The following UXS1 variants were observed in gnomAD, a reference collection of about 807,000 sequenced individuals.
UXS1 encodes the protein UDP-glucuronate decarboxylase 1, also known as UDP-glucuronic acid decarboxylase 1.
UXS1 carries 33 observed loss-of-function variants against 62.6 expected under a neutral mutation model. The ratio of observed to expected loss-of-function variants is 0.53; its 90% CI spans 0.40 to 0.70. The LOEUF is 0.70. Ranked by LOEUF, UXS1 falls within the 30% of genes least tolerant of loss-of-function variation. The pLI is 0.00. For missense variants in UXS1, 434 were observed against 556.3 expected (o/e 0.78, Z 2.21); for synonymous variants, 213 against 206.8 (o/e 1.03, Z -0.26).
At chr2:106,165,929 T>C (rs971641482) in intron 2 of UXS1, 127 bp downstream of exon 2, 7 of 848,832 alleles carry the variant, frequency 8.2e-6, no homozygotes, top group Admixed American at 6.7e-5. Context: ...GATATGTGAA[T>C]AGCAAGAACC....
At chr2:106,107,934 G>A (rs1200630355) in intron 10 of UXS1, among the ~76,000 whole-genome samples, 1 of 152,236 alleles carries the variant, frequency 6.6e-6, no homozygotes, top group South Asian at 2.1e-4. Flanking sequence ...CAAGGAAATA[G>A]TCCCTAGTAC....
At chr2:106,145,881 AC>A (rs1681520085) in intron 5 of UXS1, among the ~76,000 whole-genome samples, 1 of 152,246 alleles carries the variant, frequency 6.6e-6, no homozygotes, top group African/African-American at 2.4e-5. Flanking sequence ...GTTTATGAGA[AC>A]AAATTAATAA....
Position 106,174,825 on chromosome 2 carries a change from G to A in UXS1, c.95-8742C>T, listed in dbSNP as rs534831649. Among the ~76,000 whole-genome samples the A allele has an allele frequency of 3.3e-5, 5 of 152,288 alleles. No individual in the cohort carries two copies. The South Asian group carries it at 6.2e-4, about 19-fold the overall frequency. On this transcript the variant is annotated intron_variant, in intron 1 of 14. Coordinates refer to ENST00000283148, the MANE Select transcript of UXS1 (RefSeq NM_001253875.2). ...GGAAGACAGGCCCCAAGAGGTAGCC[G>A]GTGACTTGCTTGAGGACACACAGCT...
intron 9 of UXS1, among the ~76,000 whole-genome samples, chr2:106,116,791 T>A (rs769069687): frequency 6.6e-6 from 1 of 152,186 alleles, no homozygotes; most frequent in Non-Finnish European, 1.5e-5. Context: ...TCTGGGAAAC[T>A]GCATGGAGCA....
At chr2:106,143,074 G>A (rs1485505058) in intron 6 of UXS1, among the ~76,000 whole-genome samples, 1 of 151,890 alleles carries the variant, frequency 6.6e-6, no homozygotes, top group Non-Finnish European at 1.5e-5. Context: ...CAGTGGTACT[G>A]AAATTATATA....
intron 8 of UXS1, among the ~76,000 whole-genome samples, chr2:106,124,833 T>A (rs1558699903): frequency 6.6e-6 from 1 of 152,234 alleles, no homozygotes; most frequent in African/African-American, 2.4e-5. Flanking sequence ...AATTTCTCTG[T>A]TGCTATGATT....
chr2:106,166,597 C>A, intron 1 of UXS1: 1 of 154,298 alleles, frequency 6.5e-6, no homozygotes, highest in South Asian at 2.0e-4. Context: ...TTTTGCAAAC[C>A]TCACATGGCT....
chr2:106,096,624 G>C, intron 14 of UXS1, 94 bp downstream of exon 14: 1 of 1,189,746 alleles, frequency 8.4e-7, no homozygotes, highest in Non-Finnish European at 1.2e-6. Context: ...TGCTCCTCCG[G>C]GGGCTGTCTG....
chr2:106,165,818 C>G (rs11124086), intron 2 of UXS1, among the ~76,000 whole-genome samples: 148,969 of 152,234 alleles, frequency 0.98, 72,944 homozygotes, highest in East Asian at 1. Flanking sequence ...AGGAGGGAAG[C>G]GGGGGTGGCC....
At chr2:106,104,890 T>C in intron 10 of UXS1, 53 bp from the exon 11 acceptor site, 3 of 1,610,328 alleles carry the variant, frequency 1.9e-6, no homozygotes, top group East Asian at 2.2e-5. Context: ...CCGTCCTGCG[T>C]AGGTGTCCTT....
chr2:106,184,953 AATGTCTGAACACTT>A (rs1684470309), intron 1 of UXS1, among the ~76,000 whole-genome samples: 1 of 152,182 alleles, frequency 6.6e-6, no homozygotes, highest in South Asian at 2.1e-4. Context: ...GCCCTGCCCT[AATGTCTGAACACTT>A]CAGGCATGTT....
chr2:106,152,240 T>C (rs1350418789), intron 5 of UXS1, among the ~76,000 whole-genome samples: 1 of 152,070 alleles, frequency 6.6e-6, no homozygotes, highest in Non-Finnish European at 1.5e-5. Flanking sequence ...TAGCCTGAGG[T>C]CAGGAGTTCA....
At chr2:106,186,634 C>T (rs1225325096) in intron 1 of UXS1, among the ~76,000 whole-genome samples, 83 of 152,068 alleles carry the variant, frequency 5.5e-4, no homozygotes, top group African/African-American at 2.0e-3. Flanking sequence ...TGACTGGGTC[C>T]TAGATTTTAA....
intron 2 of UXS1, 51 bp from the exon 3 acceptor site, chr2:106,164,850 G>C: frequency 7.1e-7 from 1 of 1,411,432 alleles, no homozygotes; most frequent in Non-Finnish European, 9.6e-7. Flanking sequence ...GACTGTTTCT[G>C]AATAAATTAC....
intron 7 of UXS1, among the ~76,000 whole-genome samples, chr2:106,126,312 A>G (rs982253496): frequency 6.6e-6 from 1 of 152,196 alleles, no homozygotes; most frequent in African/African-American, 2.4e-5. Context: ...ACTCATTCAC[A>G]GAGTCCCAGT....
At chr2:106,170,169 C>T (rs1683462883) in intron 1 of UXS1, among the ~76,000 whole-genome samples, 1 of 152,282 alleles carries the variant, frequency 6.6e-6, no homozygotes, top group Admixed American at 6.5e-5. Context: ...TGCAAGCAGC[C>T]CCCTGCATGT....
chr2:106,181,163 C>T (rs554492324), intron 1 of UXS1, among the ~76,000 whole-genome samples: 1 of 152,164 alleles, frequency 6.6e-6, no homozygotes, highest in Non-Finnish European at 1.5e-5. Context: ...TTCATCCCTC[C>T]CACACCTGTC....
chr2:106,163,569 T>C, intron 4 of UXS1, 98 bp downstream of exon 4: 1 of 813,166 alleles, frequency 1.2e-6, no homozygotes, highest in Non-Finnish European at 1.9e-6. Context: ...CAGACATTTA[T>C]TTAGGTTGGC....
At chr2:106,097,313 G>A (rs972379724) in intron 13 of UXS1, 18 of 426,880 alleles carry the variant, frequency 4.2e-5, no homozygotes, top group South Asian at 6.6e-5. Context: ...GGGACCTCTC[G>A]GAGGACGGCA....
Sources: gnomAD v4.1 joint callset for allele counts (sites outside exome capture counted in the v4.1 genomes callset) on GRCh38, gnomAD v4.1.1 for gene constraint, MANE v1.5 for transcripts, NCBI Gene and HGNC (gene_info 2026-07-23, HGNC 2026-07-21) for gene names.